The following GLIS3 variants were observed in gnomAD, a reference collection of about 807,000 sequenced individuals.
The protein encoded by GLIS3 is zinc finger protein GLIS3.
A neutral mutation model predicts 78.6 loss-of-function variants in GLIS3; 53 were observed. The observed-to-expected ratio is 0.67, with a 90% CI of 0.54 to 0.85. The LOEUF is 0.85. GLIS3 is among the 40% of genes least tolerant of loss of function. The probability of loss-of-function intolerance (pLI) is 0.00; values close to 1 mark genes in which losing one functional copy is unlikely to be tolerated. For missense variants in GLIS3, 1,703 were observed against 1,231.1 expected, an observed-to-expected ratio of 1.38 and a Z score of -5.74; for synonymous variants, 684 against 509.9, an observed-to-expected ratio of 1.34 and a Z score of -4.60.
chr9:4,111,376 C>T (rs1470125007), intron 4 of GLIS3, among the ~76,000 whole-genome samples: 1 of 152,170 alleles, frequency 6.6e-6, no homozygotes, highest in African/African-American at 2.4e-5. Context: ...ACATAAACCA[C>T]GATTAGCTTT....
chr9:4,167,576 T>C (rs1049395528), intron 2 of GLIS3, among the ~76,000 whole-genome samples: 1 of 152,152 alleles, frequency 6.6e-6, no homozygotes, highest in Non-Finnish European at 1.5e-5. Flanking sequence ...GCCCAATATA[T>C]GCTTGCTGAA....
At chr9:4,046,148 T>C (rs1391160806) in intron 4 of GLIS3, among the ~76,000 whole-genome samples, 1 of 152,186 alleles carries the variant, frequency 6.6e-6, no homozygotes, top group Non-Finnish European at 1.5e-5. Context: ...GGCAGTCTTA[T>C]AAATTATAGA....
At chr9:4,483,269 C>T in the GLIS3 span, among the ~76,000 whole-genome samples, 1 of 152,150 alleles carries the variant, frequency 6.6e-6, no homozygotes, top group Non-Finnish European at 1.5e-5. Context: ...CAACCACTGC[C>T]GCGTGAAATG....
intron 2 of GLIS3, among the ~76,000 whole-genome samples, chr9:4,126,247 G>A (rs2130915419): frequency 6.6e-6 from 1 of 152,310 alleles, no homozygotes; most frequent in East Asian, 1.9e-4. Context: ...GGTTAAGGTG[G>A]TAAGTAGATG....
At chr9:4,267,121 C>T (rs1305730882) in intron 2 of GLIS3, among the ~76,000 whole-genome samples, 2 of 151,984 alleles carry the variant, frequency 1.3e-5, no homozygotes, top group Non-Finnish European at 2.9e-5. Context: ...AAAAGCTGTA[C>T]CCCCTGCAGA....
intron 5 of GLIS3, among the ~76,000 whole-genome samples, chr9:3,934,967 G>A (rs1172931003): frequency 6.6e-6 from 1 of 152,150 alleles, no homozygotes; most frequent in Non-Finnish European, 1.5e-5. Context: ...CAATTACTGT[G>A]TAGATATTAA....
chr9:3,943,425 C>A (rs76748862), intron 4 of GLIS3, among the ~76,000 whole-genome samples: 1,978 of 152,300 alleles, frequency 0.013, 38 homozygotes, highest in African/African-American at 0.045. Flanking sequence ...GCAGTCAAAT[C>A]ACCCGCTTGT....
At chr9:4,301,179 C>A (rs1158812403), upstream of GLIS3, among the ~76,000 whole-genome samples, 4 of 152,190 alleles carry the variant, frequency 2.6e-5, no homozygotes, top group Non-Finnish European at 5.9e-5. Context: ...CTGGTTTCCA[C>A]AGTACTTTTT....
At chr9:3,932,665 C>G in intron 5 of GLIS3, 195 bp from the exon 6 acceptor site, 1 of 548,416 alleles carries the variant, frequency 1.8e-6, no homozygotes, top group East Asian at 3.4e-5. Flanking sequence ...GGTAAACTTT[C>G]AAGGAACAAA....
rs1219509026 is a variant in GLIS3, at chr9:4,118,298, G to A, written c.1180C>T (p.Arg394Cys). 2.5e-6 allele frequency: 4 copies of A among 1,579,510 alleles called. No individual in the cohort carries two copies. Among genetic ancestry groups the A allele is most frequent in the Admixed American group, 1.8e-5 (1 of 55,658 alleles). Residue 394 changes from arginine to cysteine, a missense_variant, in exon 4 of 11, where the codon CGC becomes TGC. Arg to Cys is a radical substitution (Grantham distance 180). Coordinates refer to ENST00000381971, the MANE Select transcript of GLIS3 (RefSeq NM_001042413.2). The surrounding 1 kb of genome is among the most constrained non-coding windows in gnomAD (Gnocchi z 4.7). ...CCGCCGTGCTCCAGCTGTTGCATGC[G>A]CTCGTGCTCCAGGGCCCCGTCCTCG... The part of the protein sequence containing the change: ...YGEDGALEHE[R>C]MQQLEHGGLQ...
intron 2 of GLIS3, among the ~76,000 whole-genome samples, chr9:4,212,066 C>G (rs1204399146): frequency 1.3e-5 from 2 of 152,096 alleles, no homozygotes; most frequent in Non-Finnish European, 2.9e-5. Flanking sequence ...TACTGGGATT[C>G]TAAAACTGGA....
the GLIS3 span, among the ~76,000 whole-genome samples, chr9:4,467,004 G>A: frequency 6.6e-6 from 1 of 152,234 alleles, no homozygotes; most frequent in South Asian, 2.1e-4. Flanking sequence ...TGGCTCGGCG[G>A]GTCCCATGCC....
At chr9:4,154,823 G>A (rs1205145612) in intron 2 of GLIS3, among the ~76,000 whole-genome samples, 1 of 152,106 alleles carries the variant, frequency 6.6e-6, no homozygotes, top group Non-Finnish European at 1.5e-5. Flanking sequence ...GACATATTTA[G>A]ACATTTAGAC....
intron 7 of GLIS3, 65 bp downstream of exon 7, chr9:3,898,625 CT>C: frequency 6.2e-7 from 1 of 1,604,300 alleles, no homozygotes; most frequent in Non-Finnish European, 8.5e-7. Context: ...GTGAGCATTC[CT>C]TTTAACCAGA....
At chr9:4,336,503 G>A (rs1167797321) in intron 2 of GLIS3, among the ~76,000 whole-genome samples, 3 of 6,822 alleles carry the variant, frequency 4.4e-4, no homozygotes, top group East Asian at 0.067. Context: ...GTGTCGGGGT[G>A]TTGATATCAC....
intron 4 of GLIS3, among the ~76,000 whole-genome samples, chr9:3,970,626 A>T (rs904884727): frequency 5.3e-5 from 8 of 152,196 alleles, no homozygotes; most frequent in African/African-American, 1.9e-4. Flanking sequence ...TGAAAATATT[A>T]GTAATGTAGA....
At chr9:4,096,915 G>C (rs1310439972) in intron 4 of GLIS3, among the ~76,000 whole-genome samples, 1 of 152,172 alleles carries the variant, frequency 6.6e-6, no homozygotes, top group South Asian at 2.1e-4. Flanking sequence ...GGGAGGCTGA[G>C]GCAGGAGAAT....
intron 4 of GLIS3, among the ~76,000 whole-genome samples, chr9:4,059,207 C>T (rs1376800275): frequency 1.3e-5 from 2 of 152,170 alleles, no homozygotes; most frequent in African/African-American, 4.8e-5. Context: ...GACGAGATTT[C>T]AGACATTTTT....
At chr9:4,195,858 A>C (rs1157343222) in intron 2 of GLIS3, among the ~76,000 whole-genome samples, 1 of 152,222 alleles carries the variant, frequency 6.6e-6, no homozygotes, top group Admixed American at 6.5e-5. Context: ...TGTCTAGCTA[A>C]TCTAGTGAGG....
Sources: gnomAD v4.1 joint callset for allele counts (sites outside exome capture counted in the v4.1 genomes callset) on GRCh38, gnomAD v4.1.1 for gene constraint, Gnocchi (gnomAD v3.1) non-coding constraint, MANE v1.5 for transcripts, NCBI Gene and HGNC (gene_info 2026-07-23, HGNC 2026-07-21) for gene names.